Variants in SLC6A5 observed in about 807,000 individuals in gnomAD.
SLC6A5 encodes solute carrier family 6 member 5, also known as sodium- and chloride-dependent glycine transporter 2.
Under a neutral mutation model 90.5 loss-of-function variants are expected in SLC6A5, and 58 were observed. The ratio of observed to expected loss-of-function variants is 0.64; its 90% confidence interval spans 0.52 to 0.80. The LOEUF (loss-of-function observed/expected upper bound fraction) is 0.80. SLC6A5 is among the 30% of genes least tolerant of loss of function. The pLI is 0.00. For synonymous variants in SLC6A5, 427 were observed against 401.4 expected, an observed-to-expected ratio of 1.06 and a Z score of -0.76; for missense variants, 1,015 against 1,017.6, an observed-to-expected ratio of 1.00 and a Z score of 0.03.
At chr11:20,642,208 G>C (rs1219484507) in intron 13 of SLC6A5, among the ~76,000 whole-genome samples, 5 of 148,696 alleles carry the variant, frequency 3.4e-5, no homozygotes, top group Non-Finnish European at 7.5e-5. Flanking sequence ...ACAGAGATCT[G>C]TGTGCTCAGA....
At chr11:20,638,295 T>C (rs2133810547) in intron 12 of SLC6A5, among the ~76,000 whole-genome samples, 164 bp from the exon 13 acceptor site, 2 of 152,324 alleles carry the variant, frequency 1.3e-5, no homozygotes, top group African/African-American at 4.8e-5. Flanking sequence ...CCAGCTTACA[T>C]GCTGGACCAG....
chr11:20,633,898 G>A (rs952667666), intron 10 of SLC6A5, among the ~76,000 whole-genome samples: 1 of 152,140 alleles, frequency 6.6e-6, no homozygotes, highest in Non-Finnish European at 1.5e-5. Flanking sequence ...TTGAGATGGA[G>A]TCTTGCTCTG....
chr11:20,601,164 A>G lies in SLC6A5; in HGVS notation c.39A>G (p.Pro13=), dbSNP rs757746135. 6.3e-7 allele frequency: 1 copy of G among 1,590,702 alleles called. No homozygotes were observed. Among genetic ancestry groups the G allele is most frequent in the Non-Finnish European group, 8.5e-7 (1 of 1,176,174 alleles). Residue 13 remains proline (P), a synonymous_variant, in exon 2 of 16, where the codon CCA becomes CCG. Coordinates refer to ENST00000525748, the MANE Select transcript of SLC6A5 (RefSeq NM_004211.5). ...CTCCCAAGGAAATGAATAAACTGCC[A>G]GCCAACAGCCCGGAGGCGGCGGCGG... ...CSAPKEMNKL[P]ANSPEAAAAQ... is the part of the protein sequence containing the mutation.
rs778182008 is a variant in SLC6A5, at chr11:20,617,821, C to A, written c.1197C>A (p.Cys399Ter). 1 of 1,614,078 alleles carries A rather than the reference C, an allele frequency of 6.2e-7. No individual in the cohort carries two copies. The highest frequency in any genetic ancestry group is 1.7e-5 in the Admixed American group (1 of 60,032). Residue 399 changes from cysteine to a stop codon, truncating the protein, a stop_gained, in exon 7 of 16, where the codon TGC becomes TGA. Transcript: ENST00000525748. LOFTEE classifies it high-confidence loss of function. ...PGEIRWPLAL[C>*]LFLAWVIVYA... The stretch of plus-strand genomic sequence containing the variant: ...AGATCAGGTGGCCACTAGCTCTCTG[C>A]CTCTTCCTGGCTTGGGTCATTGTGT...
intron 7 of SLC6A5, among the ~76,000 whole-genome samples, chr11:20,623,340 C>T (rs1852928827): frequency 6.6e-6 from 1 of 152,150 alleles, no homozygotes; most frequent in Admixed American, 6.5e-5. Context: ...GTTGCTGAGG[C>T]CAAAACACTT....
intron 15 of SLC6A5, 90 bp downstream of exon 15, chr11:20,652,546 C>A: frequency 7.7e-7 from 1 of 1,295,640 alleles, no homozygotes; most frequent in Non-Finnish European, 1.1e-6. Flanking sequence ...ATTCGGTAAA[C>A]TTATTCAAGA....
At chr11:20,611,156 G>C (rs542405379) in intron 5 of SLC6A5, among the ~76,000 whole-genome samples, 2 of 152,290 alleles carry the variant, frequency 1.3e-5, no homozygotes, top group African/African-American at 4.8e-5. Context: ...ATGCCAACCA[G>C]TTTAAAGACT....
chr11:20,630,564 T>C, intron 9 of SLC6A5, 127 bp from the exon 10 acceptor site: 1 of 1,120,726 alleles, frequency 8.9e-7, no homozygotes, highest in South Asian at 1.2e-5. Context: ...GGTTAGGACA[T>C]GAACGTACAC....
chr11:20,616,540 A>T (rs1309049908), intron 6 of SLC6A5, among the ~76,000 whole-genome samples: 1 of 152,166 alleles, frequency 6.6e-6, no homozygotes, highest in African/African-American at 2.4e-5. Context: ...AGCAGTTGAG[A>T]TGGCTAAGTC....
chr11:20,605,439 C>A (rs745559340), intron 3 of SLC6A5, among the ~76,000 whole-genome samples: 7 of 152,210 alleles, frequency 4.6e-5, no homozygotes, highest in Non-Finnish European at 1.0e-4. Flanking sequence ...AATTAGGACA[C>A]TTTGACAAGT....
In SLC6A5 at chr11:20,655,060, C is replaced by G; in HGVS notation, c.*192C>G. The G allele has an allele frequency of 1.5e-6, 1 of 652,124 alleles. No individual in the cohort carries two copies. Among genetic ancestry groups the G allele is most frequent in the Non-Finnish European group, 2.8e-6 (1 of 362,856 alleles). The allele number at this position is 652,124 out of a possible 1,614,324, so 40.4% of individuals were successfully genotyped here. ...TGCAGTAAAGAGCTACATAGACCAC[C>G]TGAAGCGCTGTTTGCCTGTGCCCAT... is the stretch of plus-strand genomic sequence containing the variant. On this transcript the variant is annotated 3_prime_UTR_variant, in exon 16 of 16. Coordinates refer to ENST00000525748, the MANE Select transcript of SLC6A5 (RefSeq NM_004211.5).
At position 20,657,306 on chromosome 11, in the gene SLC6A5, T is replaced by G. The variant is rs1177176815; in HGVS notation, c.*2438T>G. ...TGAGAACGGAGACCTCATCACTAGC[T>G]GCATGTTTTGGATTTGGGGGCATTT... On this transcript the variant is annotated 3_prime_UTR_variant, in exon 16 of 16. Coordinates refer to ENST00000525748, the MANE Select transcript of SLC6A5 (RefSeq NM_004211.5). 1 of 152,232 alleles carries G rather than the reference T, an allele frequency of 6.6e-6. No individual in the cohort carries two copies. Among genetic ancestry groups the G allele is most frequent in the Non-Finnish European group, 1.5e-5 (1 of 68,054 alleles). 9.4% of individuals were successfully genotyped at this position (152,232 alleles called of 1,614,324 possible). A position where few individuals can be genotyped will look rare whatever the true frequency, so the allele number is the denominator to read the frequency against.
chr11:20,625,554 G>A (rs1012649050), intron 7 of SLC6A5, among the ~76,000 whole-genome samples: 4 of 152,112 alleles, frequency 2.6e-5, no homozygotes, highest in Non-Finnish European at 4.4e-5. Flanking sequence ...AAGCCACCGC[G>A]CCCGGCCTCC....
At chr11:20,622,053 G>A (rs1249829955) in intron 7 of SLC6A5, among the ~76,000 whole-genome samples, 2 of 152,208 alleles carry the variant, frequency 1.3e-5, no homozygotes, top group Non-Finnish European at 2.9e-5. Flanking sequence ...GCCTGGAGGT[G>A]TCAGGCCAAC....
rs77623577 is a variant in SLC6A5, at chr11:20,640,981, T to C, written c.1969+2423T>C. ...GGATATCATCCAAACATTTGAAATA[T>C]GGTAGGGACAATTTTCAAGTTTTAT... On this transcript the variant is annotated intron_variant, in intron 13 of 15. Transcript: ENST00000525748. 1.1e-3 allele frequency among the ~76,000 whole-genome samples: 167 copies of C among 152,330 alleles called. 4 individuals carry two copies. In the East Asian group the frequency reaches 0.03, roughly 27 times the overall value.
chr11:20,633,966 G>A (rs11025668), intron 10 of SLC6A5, among the ~76,000 whole-genome samples: 10,729 of 152,138 alleles, frequency 0.071, 536 homozygotes, highest in Non-Finnish European at 0.1. Context: ...CTGCCTCCCG[G>A]GTTCACACCA....
Position 20,641,175 on chromosome 11 carries a change from C to T in SLC6A5, c.1969+2617C>T, listed in dbSNP as rs147083872. Among the ~76,000 whole-genome samples, 345 of 152,212 alleles carry T rather than the reference C, an allele frequency of 2.3e-3. 1 individual carries two copies. The highest frequency in any genetic ancestry group is 7.8e-3 in the African/African-American group (326 of 41,548). ...AGAGTCATTTTGAAAAAATGTTTTGCATTTTTTCTGGAGCCAGTACAGGGG... is the reference window on the plus strand; with the variant it reads ...AGAGTCATTTTGAAAAAATGTTTTGTATTTTTTCTGGAGCCAGTACAGGGG... On this transcript the variant is annotated intron_variant, in intron 13 of 15. Coordinates refer to ENST00000525748, the MANE Select transcript of SLC6A5 (RefSeq NM_004211.5).
intron 9 of SLC6A5, among the ~76,000 whole-genome samples, chr11:20,629,706 G>A (rs554284126): frequency 1.3e-5 from 2 of 150,696 alleles, no homozygotes; most frequent in African/African-American, 4.9e-5. Flanking sequence ...TGTTAATATA[G>A]TCATCTCATA....
chr11:20,639,761 A>G (rs1853277904), intron 13 of SLC6A5, among the ~76,000 whole-genome samples: 1 of 152,248 alleles, frequency 6.6e-6, no homozygotes. Flanking sequence ...CTGGTACTCC[A>G]GAAACAGGAT....
Sources: gnomAD v4.1 joint callset for allele counts (sites outside exome capture counted in the v4.1 genomes callset) on GRCh38, gnomAD v4.1.1 for gene constraint, MANE v1.5 for transcripts, NCBI Gene and HGNC (gene_info 2026-07-23, HGNC 2026-07-21) for gene names.